Variants in CHLSN observed in about 807,000 individuals in gnomAD.
CHLSN encodes the protein protein cholesin.
At chr7:994,470 C>T in the CHLSN span, among the ~76,000 whole-genome samples, 1 of 151,992 alleles carries the variant, frequency 6.6e-6, no homozygotes, top group South Asian at 2.1e-4. Flanking sequence ...GCTCACCGCA[C>T]TAAATTTTTT....
the CHLSN span, among the ~76,000 whole-genome samples, chr7:1,121,612 C>T: frequency 1.3e-5 from 2 of 152,266 alleles, no homozygotes; most frequent in Admixed American, 6.5e-5. Context: ...GCCCTGCTCC[C>T]TTCCGCTGAC....
At chr7:1,014,869 G>A in the CHLSN span, among the ~76,000 whole-genome samples, 2 of 152,230 alleles carry the variant, frequency 1.3e-5, no homozygotes, top group South Asian at 2.1e-4. Context: ...TCTCAGATCC[G>A]AGCACCAATT....
the CHLSN span, chr7:1,092,741 A>G: frequency 6.2e-6 from 10 of 1,613,536 alleles, no homozygotes; most frequent in Non-Finnish European, 8.5e-6. Context: ...CTGAGGCTGT[A>G]CATTGAGCAG....
chr7:986,864 G>A, the CHLSN span: 17 of 1,420,612 alleles, frequency 1.2e-5, no homozygotes, highest in Admixed American at 8.4e-5. Flanking sequence ...AGGGGAGCAC[G>A]GCTGGGGAGG....
the CHLSN span, among the ~76,000 whole-genome samples, chr7:1,060,314 C>T: frequency 2.6e-5 from 4 of 152,160 alleles, no homozygotes; most frequent in Non-Finnish European, 5.9e-5. Context: ...CACTGGGCAG[C>T]GATCCCTGAC....
At chr7:1,047,470 G>C in the CHLSN span, among the ~76,000 whole-genome samples, 12 of 152,238 alleles carry the variant, frequency 7.9e-5, no homozygotes, top group Non-Finnish European at 2.9e-5. Context: ...ATCAGTGTGC[G>C]TAAGCTCTCC....
At chr7:1,016,873 C>T in the CHLSN span, among the ~76,000 whole-genome samples, 6 of 98,674 alleles carry the variant, frequency 6.1e-5, no homozygotes, top group Non-Finnish European at 1.1e-4. Flanking sequence ...CACACAGCAG[C>T]GCACAGCAGC....
chr7:1,096,525 C>T, the CHLSN span, among the ~76,000 whole-genome samples: 1 of 152,220 alleles, frequency 6.6e-6, no homozygotes, highest in East Asian at 1.9e-4. The surrounding 1 kb of genome is among the most constrained non-coding windows in gnomAD (Gnocchi z 4.6). Flanking sequence ...ACGCCCTTCT[C>T]AAGCGCTTGC....
chr7:1,005,052 T>A, the CHLSN span, among the ~76,000 whole-genome samples: 1 of 152,182 alleles, frequency 6.6e-6, no homozygotes, highest in African/African-American at 2.4e-5. Flanking sequence ...CTGAGCACTT[T>A]GGGAGGCCGA....
chr7:982,884 G>A, the CHLSN span, among the ~76,000 whole-genome samples: 1 of 152,228 alleles, frequency 6.6e-6, no homozygotes, highest in African/African-American at 2.4e-5. Context: ...CCAAGGCCAA[G>A]GGGCCTGGAC....
the CHLSN span, among the ~76,000 whole-genome samples, chr7:1,077,320 TA>T: frequency 2.0e-5 from 3 of 152,222 alleles, no homozygotes; most frequent in Non-Finnish European, 4.4e-5. Flanking sequence ...CAAGCCTGGC[TA>T]ATTTTTTGTA....
the CHLSN span, among the ~76,000 whole-genome samples, chr7:1,066,036 G>C: frequency 6.6e-6 from 1 of 152,350 alleles, no homozygotes; most frequent in African/African-American, 2.4e-5. Context: ...AGCCCTGCGC[G>C]GCCGGCACGG....
the CHLSN span, among the ~76,000 whole-genome samples, chr7:1,042,927 G>A: frequency 6.6e-6 from 1 of 152,082 alleles, no homozygotes; most frequent in Admixed American, 6.6e-5. Flanking sequence ...AGTGTGACCT[G>A]GGCTAAGTTG....
At chr7:1,057,785 C>G in the CHLSN span, 1 of 774,586 alleles carries the variant, frequency 1.3e-6, no homozygotes, top group Non-Finnish European at 2.4e-6. Context: ...CCCCGAGCTC[C>G]CGGTGGGCGC....
chr7:1,061,540 G>A, the CHLSN span, among the ~76,000 whole-genome samples: 10 of 152,122 alleles, frequency 6.6e-5, no homozygotes, highest in Non-Finnish European at 1.5e-4. Flanking sequence ...CCCAGGAGCT[G>A]CGTCGCTGAC....
chr7:986,817 CT>C, the CHLSN span: 21 of 1,517,662 alleles, frequency 1.4e-5, no homozygotes, highest in South Asian at 2.5e-4. Flanking sequence ...GACCCAAGAC[CT>C]CCTTGAAGGC....
At chr7:1,084,312 G>A in the CHLSN span, among the ~76,000 whole-genome samples, 1 of 152,372 alleles carries the variant, frequency 6.6e-6, no homozygotes, top group East Asian at 1.9e-4. Flanking sequence ...GGGGGCGTGG[G>A]AAGGGGCTCT....
chr7:1,057,505 C>T, the CHLSN span: 13 of 758,768 alleles, frequency 1.7e-5, no homozygotes, highest in African/African-American at 6.8e-5. Context: ...CGCGGAGCCT[C>T]GCCGGCCGCC....
At chr7:1,019,401 C>T in the CHLSN span, among the ~76,000 whole-genome samples, 1 of 152,172 alleles carries the variant, frequency 6.6e-6, no homozygotes, top group African/African-American at 2.4e-5. Flanking sequence ...TGATCACCCA[C>T]GGTCAATGCT....
Sources: allele counts gnomAD v4.1 joint callset (sites outside exome capture counted in the v4.1 genomes callset), GRCh38; gene constraint gnomAD v4.1.1; non-coding constraint Gnocchi (gnomAD v3.1); transcripts MANE v1.5; gene names NCBI Gene and HGNC (gene_info 2026-07-23, HGNC 2026-07-21).